GNA12: variants seen among roughly 807,000 people sequenced by gnomAD.
GNA12 encodes G protein subunit alpha 12, also known as guanine nucleotide-binding protein subunit alpha-12.
In GNA12, 9 loss-of-function variants were observed where a neutral mutation model predicts 26.0. That is an observed-to-expected ratio of 0.35 (90% CI 0.21 to 0.60). GNA12 has a LOEUF of 0.60. GNA12 is among the 20% of genes least tolerant of loss of function. The pLI is 0.78. For missense variants in GNA12, 405 were observed against 525.8 expected (o/e 0.77, Z 2.25); for synonymous variants, 264 against 219.6 (o/e 1.20, Z -1.79).
chr7:2,804,324 A>G (rs1027303115), intron 1 of GNA12, among the ~76,000 whole-genome samples: 2 of 152,238 alleles, frequency 1.3e-5, no homozygotes, highest in African/African-American at 4.8e-5. Context: ...TAAGTGTTTC[A>G]AAGAATTTGT....
At chr7:2,780,051 C>CATATATATATATATATATATAT (rs3996399) in intron 2 of GNA12, among the ~76,000 whole-genome samples, 2 of 62,208 alleles carry the variant, frequency 3.2e-5, no homozygotes, top group Non-Finnish European at 6.5e-5. Context: ...TTTCTGTGTA[C>CATATATATATATATATATATAT]ATATATATAT....
chr7:2,789,132 C>CTTTTGTTTTTT, intron 2 of GNA12, among the ~76,000 whole-genome samples: 1 of 72,832 alleles, frequency 1.4e-5, no homozygotes, highest in East Asian at 3.8e-4. Flanking sequence ...CTTCAGGCAT[C>CTTTTGTTTTTT]TTTTTTTTTT....
intron 1 of GNA12, among the ~76,000 whole-genome samples, chr7:2,838,768 T>G (rs1021128262): frequency 2.6e-5 from 4 of 152,120 alleles, no homozygotes; most frequent in Non-Finnish European, 5.9e-5. Context: ...TATCTGATAA[T>G]GGAGACTTCA....
intron 2 of GNA12, among the ~76,000 whole-genome samples, chr7:2,760,006 G>A (rs1791482058): frequency 6.6e-6 from 1 of 152,186 alleles, no homozygotes; most frequent in Non-Finnish European, 1.5e-5. Context: ...AAAAATGACA[G>A]GAACACTCAG....
In GNA12 at chr7:2,794,945, T is replaced by C. The variant is rs1193799566; in HGVS notation, c.508A>G (p.Arg170Gly). The C allele has an allele frequency of 5.0e-6, 8 of 1,613,782 alleles. No individual in the cohort carries two copies. Among genetic ancestry groups the C allele is most frequent in the Non-Finnish European group, 6.8e-6 (8 of 1,179,788 alleles). Residue 170 changes from arginine (R) to glycine (G), a missense_variant, in exon 2 of 4, where the codon AGA (arginine) becomes GGA (glycine). Transcript: ENST00000275364. ...TCACTCACCAGCTGAAACTCGCTTCTCCGGCTGAAAGCCTCCCTGATGCCA... is the reference window on the plus strand; with the variant it reads ...TCACTCACCAGCTGAAACTCGCTTCCCCGGCTGAAAGCCTCCCTGATGCCA... ...DSGIREAFSR[R>G]SEFQLGESVK...
intron 2 of GNA12, among the ~76,000 whole-genome samples, chr7:2,737,269 GTT>G (rs1317020597): frequency 2.6e-5 from 1 of 38,110 alleles, no homozygotes; most frequent in Non-Finnish European, 5.4e-5. Context: ...TCACAGTTTT[GTT>G]TTGTTTTTTT....
intron 2 of GNA12, among the ~76,000 whole-genome samples, chr7:2,780,051 C>CATACATATATAT (rs1554259630): frequency 1.1e-4 from 7 of 62,206 alleles, no homozygotes; most frequent in African/African-American, 3.4e-4. Flanking sequence ...TTTCTGTGTA[C>CATACATATATAT]ATATATATAT....
At chr7:2,835,473 C>T (rs1191943007) in intron 1 of GNA12, 2 of 361,880 alleles carry the variant, frequency 5.5e-6, no homozygotes, top group Non-Finnish European at 1.0e-5. Flanking sequence ...CTCCCTGTGT[C>T]CCAGCTTTTA....
chr7:2,741,186 C>G (rs894950999), intron 2 of GNA12, among the ~76,000 whole-genome samples: 1 of 152,210 alleles, frequency 6.6e-6, no homozygotes, highest in African/African-American at 2.4e-5. Flanking sequence ...ATTCCCCTGC[C>G]TCTAGATAAA....
intron 2 of GNA12, among the ~76,000 whole-genome samples, chr7:2,785,668 C>A (rs1399682649): frequency 6.8e-6 from 1 of 146,390 alleles, no homozygotes; most frequent in Admixed American, 6.8e-5. Context: ...ACACATTTTT[C>A]TTCATGTGTA....
In GNA12 at chr7:2,842,083, GGGAAGGAAA is replaced by G. The variant is rs201517448; in HGVS notation, c.309+1761_309+1769del. ...AGAAAGAAAGGAAGAAAAGGAAGGC[GGGAAGGAAA>G]GGAAGGAAAGGAAGGAAGGGAAGGG... On this transcript the variant is annotated intron_variant, in intron 1 of 3. Coordinates refer to ENST00000275364, the MANE Select transcript of GNA12 (RefSeq NM_007353.3). Among the ~76,000 whole-genome samples the G allele has an allele frequency of 9.6e-3, 824 of 86,100 alleles. 12 individuals are homozygous for G. Among genetic ancestry groups the G allele is most frequent in the African/African-American group, 0.027 (770 of 28,438 alleles). 56.5% of individuals were successfully genotyped at this position (86,100 alleles called of 152,430 possible). A position where few individuals can be genotyped will look rare whatever the true frequency, so the allele number is the denominator to read the frequency against.
intron 2 of GNA12, among the ~76,000 whole-genome samples, chr7:2,773,486 C>T (rs758702626): frequency 2.0e-5 from 3 of 152,096 alleles, no homozygotes; most frequent in African/African-American, 4.8e-5. Context: ...TGCTTGAACC[C>T]GGGAGGCAGA....
At chr7:2,751,381 A>C (rs992268351) in intron 2 of GNA12, among the ~76,000 whole-genome samples, 1 of 145,662 alleles carries the variant, frequency 6.9e-6, no homozygotes. Flanking sequence ...ACAGAGCAAG[A>C]CCGTTTCAAA....
intron 2 of GNA12, among the ~76,000 whole-genome samples, chr7:2,781,407 A>AGTGTGT (rs1444568534): frequency 1.2e-4 from 7 of 58,858 alleles, no homozygotes; most frequent in African/African-American, 3.0e-4. Context: ...TTTCAAAGTA[A>AGTGTGT]GTGTCTGTGT....
In GNA12 at chr7:2,790,852, T is replaced by G. The variant is rs1792499654; in HGVS notation, c.525+4076A>C. On this transcript the variant is annotated intron_variant, in intron 2 of 3. Transcript: ENST00000275364. ...AGCCAGGTGTGGTGGCACATGCCTGTGATCCCAACTACTCAGTAGGCTGAG... is the reference window on the plus strand; with the variant it reads ...AGCCAGGTGTGGTGGCACATGCCTGGGATCCCAACTACTCAGTAGGCTGAG... Among the ~76,000 whole-genome samples the G allele has an allele frequency of 2.0e-5, 3 of 152,148 alleles. No individual in the cohort carries two copies. The South Asian group carries it at 6.2e-4, about 32-fold the overall frequency.
At chr7:2,808,190 A>T (rs190854620) in intron 1 of GNA12, among the ~76,000 whole-genome samples, 2 of 152,244 alleles carry the variant, frequency 1.3e-5, no homozygotes, top group Non-Finnish European at 2.9e-5. Context: ...ATCTGTGAAC[A>T]TGTTTCCTTC....
intron 2 of GNA12, among the ~76,000 whole-genome samples, chr7:2,743,517 GT>G (rs1252872245): frequency 6.6e-6 from 1 of 152,210 alleles, no homozygotes; most frequent in Non-Finnish European, 1.5e-5. Flanking sequence ...AAATGCTCAT[GT>G]TGAATAAAGA....
At chr7:2,777,821 G>T (rs13243214) in intron 2 of GNA12, among the ~76,000 whole-genome samples, 35,768 of 152,188 alleles carry the variant, frequency 0.24, 4,979 homozygotes, top group Non-Finnish European at 0.29. Context: ...TACTACTCCT[G>T]GGGAATCTGC....
intron 2 of GNA12, among the ~76,000 whole-genome samples, chr7:2,784,362 G>A (rs566320966): frequency 6.6e-6 from 1 of 152,244 alleles, no homozygotes; most frequent in African/African-American, 2.4e-5. Flanking sequence ...CAAGCAATAT[G>A]CCTGCCTCAC....
Sources: gnomAD v4.1 joint callset for allele counts (sites outside exome capture counted in the v4.1 genomes callset) on GRCh38, gnomAD v4.1.1 for gene constraint, MANE v1.5 for transcripts, NCBI Gene and HGNC (gene_info 2026-07-23, HGNC 2026-07-21) for gene names.